Variants in HELQ observed in about 807,000 individuals in gnomAD.
HELQ encodes helicase POLQ-like.
A neutral mutation model predicts 111.6 loss-of-function variants in HELQ; 77 were observed. That is an observed-to-expected ratio of 0.69 (90% CI 0.57 to 0.83). HELQ has a LOEUF of 0.83. Ranked by LOEUF, HELQ falls within the 40% of genes least tolerant of loss-of-function variation. The pLI, the probability that HELQ is intolerant of heterozygous loss-of-function variation, is 0.00. For missense variants in HELQ, 1,200 were observed against 1,288.5 expected (o/e 0.93, Z 1.05); for synonymous variants, 438 against 454.7 (o/e 0.96, Z 0.47).
At chr4:83,438,264 A>T (rs1720565814) in intron 8 of HELQ, among the ~76,000 whole-genome samples, 1 of 152,328 alleles carries the variant, frequency 6.6e-6, no homozygotes, top group Middle Eastern at 3.4e-3. Flanking sequence ...AAATGATAAA[A>T]CCACACATGG....
chr4:83,444,413 C>T (rs945986311), intron 5 of HELQ, among the ~76,000 whole-genome samples: 4 of 152,094 alleles, frequency 2.6e-5, no homozygotes, highest in Non-Finnish European at 5.9e-5. Flanking sequence ...CAGAGTCTTG[C>T]TCTGTTGCCC....
chr4:83,418,318 G>C (rs1380267378), intron 15 of HELQ, 112 bp from the exon 16 acceptor site: 1 of 529,106 alleles, frequency 1.9e-6, no homozygotes, highest in African/African-American at 2.0e-5. Context: ...TCTGGAACTT[G>C]AGTTAAGCCA....
chr4:83,431,794 C>T (rs763673505), intron 10 of HELQ, 26 bp from the exon 11 acceptor site: 2 of 923,282 alleles, frequency 2.2e-6, no homozygotes, highest in South Asian at 5.1e-5. Context: ...CAAAACCATG[C>T]CTTGTGTTAT....
chr4:83,448,909 T>A lies in HELQ; in HGVS notation c.1065A>T (p.Leu355Phe). The A allele has an allele frequency of 1.2e-6, 2 of 1,612,422 alleles. No homozygotes were observed. The highest frequency in any genetic ancestry group is 1.7e-6 in the Non-Finnish European group (2 of 1,178,658). Residue 355 changes from leucine to phenylalanine, a missense_variant, in exon 3 of 18, where the codon TTA becomes TTT. Around this residue, in one of 3 missense-constraint regions of HELQ, gnomAD observed 610 missense variants for 607.1 expected, o/e 1.00. Transcript: ENST00000295488. ...CACCACTTGTTGGCAAGGAATATAT[T>A]AAATTTTTTCTTTCTTGCACAGAAT... Reference protein sequence around the residue: ...TLNSVQERKNLIYSLPTSGGK... With the variant: ...TLNSVQERKNFIYSLPTSGGK...
At chr4:83,446,712 A>G (rs1721068105) in intron 4 of HELQ, 123 bp downstream of exon 4, 6 of 610,466 alleles carry the variant, frequency 9.8e-6, no homozygotes, top group Non-Finnish European at 1.7e-5. Context: ...TATATTGTCT[A>G]TATTTTCAAA....
intron 9 of HELQ, 125 bp downstream of exon 9, chr4:83,436,733 A>C: frequency 1.1e-6 from 1 of 917,928 alleles, no homozygotes. Context: ...CAATCAACTC[A>C]GCATATGCTA....
chr4:83,450,753 C>A (rs1440277327), intron 2 of HELQ, among the ~76,000 whole-genome samples: 2 of 151,576 alleles, frequency 1.3e-5, no homozygotes, highest in African/African-American at 4.8e-5. Context: ...ACTGCTTAAG[C>A]CCAGGAGTTC....
At chr4:83,443,960 G>A (rs1332321104) in intron 5 of HELQ, among the ~76,000 whole-genome samples, 4 of 152,070 alleles carry the variant, frequency 2.6e-5, no homozygotes, top group African/African-American at 9.7e-5. Flanking sequence ...TGGGAGGATC[G>A]CTTGAGCCCA....
intron 17 of HELQ, among the ~76,000 whole-genome samples, chr4:83,415,947 A>ATTT (rs1239903829): frequency 1.1e-5 from 1 of 93,534 alleles, no homozygotes. Context: ...GAACCCAGCC[A>ATTT]TTTTTTTTTT....
chr4:83,453,949 CAA>C lies in HELQ; in HGVS notation c.298-6_298-5del. The C allele has an allele frequency of 1.3e-6, 2 of 1,540,952 alleles. No homozygotes were observed. The highest frequency in any genetic ancestry group is 1.8e-6 in the Non-Finnish European group (2 of 1,125,636). On this transcript the variant is annotated splice_region_variant and splice_polypyrimidine_tract_variant and intron_variant, in intron 1 of 17. Transcript: ENST00000295488. Reference sequence around the variant, plus strand: ...TGTCCACTTCACTGTCATTAGGCTGCAAAGAGAACAAAAACGCTTATGGTCAA... The same window carrying C: ...TGTCCACTTCACTGTCATTAGGCTGCAGAGAACAAAAACGCTTATGGTCAA...
chr4:83,424,897 C>T (rs1020730453), intron 14 of HELQ, among the ~76,000 whole-genome samples: 4 of 152,124 alleles, frequency 2.6e-5, no homozygotes, highest in African/African-American at 9.7e-5. Context: ...TGGGACACTG[C>T]ACCATCAATT....
chr4:83,419,165 T>C lies in HELQ; in HGVS notation c.2950-959A>G, dbSNP rs1431443984. On this transcript the variant is annotated intron_variant, in intron 15 of 17. Transcript: ENST00000295488. Reference sequence around the variant, plus strand: ...ACTTTCTTACAACACCATGAGATTTTTTTTTTTTTTTTTTTCTAGCTCATA... The same window carrying C: ...ACTTTCTTACAACACCATGAGATTTCTTTTTTTTTTTTTTTCTAGCTCATA... Among the ~76,000 whole-genome samples the C allele has an allele frequency of 2.0e-5, 3 of 151,082 alleles. No individual in the cohort carries two copies. In the South Asian group the frequency reaches 6.2e-4, roughly 31 times the overall value.
chr4:83,455,351 G>A (rs1003307043), intron 1 of HELQ, 46 bp downstream of exon 1: 8 of 1,591,594 alleles, frequency 5.0e-6, no homozygotes, highest in Non-Finnish European at 6.9e-6. Flanking sequence ...TTGCATCTGG[G>A]AAGGATGCCA....
intron 13 of HELQ, among the ~76,000 whole-genome samples, 187 bp downstream of exon 13, chr4:83,427,376 C>T (rs72944458): frequency 0.078 from 11,883 of 151,836 alleles, 1,557 homozygotes; most frequent in African/African-American, 0.27. Flanking sequence ...TATAATAGGC[C>T]GGGTACAGTG....
intron 14 of HELQ, 102 bp from the exon 15 acceptor site, chr4:83,421,838 A>C (rs1282264662): frequency 9.8e-6 from 8 of 813,734 alleles, no homozygotes; most frequent in Non-Finnish European, 1.6e-5. Context: ...ACAGAATAGC[A>C]AGGATAGAAT....
chr4:83,445,552 CTATT>C (rs1721005336), intron 5 of HELQ, among the ~76,000 whole-genome samples: 1 of 151,942 alleles, frequency 6.6e-6, no homozygotes, highest in Non-Finnish European at 1.5e-5. Context: ...TTAAACTGAC[CTATT>C]TAAATGTATC....
At chr4:83,455,026 A>G (rs1721673033) in intron 1 of HELQ, among the ~76,000 whole-genome samples, 1 of 152,216 alleles carries the variant, frequency 6.6e-6, no homozygotes, top group African/African-American at 2.4e-5. Context: ...TTGGAGCAAG[A>G]ACTGTACTAT....
intron 16 of HELQ, 57 bp downstream of exon 16, chr4:83,418,036 C>A: frequency 3.3e-6 from 3 of 905,302 alleles, no homozygotes; most frequent in East Asian, 2.6e-5. Context: ...AATAATAAAA[C>A]CTGGCTTCTG....
In HELQ at chr4:83,429,595, G is replaced by C; in HGVS notation, c.2447C>G (p.Thr816Ser). 6.2e-7 allele frequency: 1 copy of C among 1,612,632 alleles called. No individual in the cohort carries two copies. Among genetic ancestry groups the C allele is most frequent in the Non-Finnish European group, 8.5e-7 (1 of 1,179,010 alleles). Residue 816 changes from threonine to serine, a missense_variant, in exon 12 of 18, where the codon ACT becomes AGT. Transcript: ENST00000295488. The part of the protein sequence containing the change: ...LTEKGLLQKD[T>S]IYKSEEEVQY... ...GACCTCTTCTTCAGACTTATAAATA[G>C]TGTCTTTTTGTAGGAGTCCTTTTTC...
Sources: gnomAD v4.1 joint callset for allele counts (sites outside exome capture counted in the v4.1 genomes callset) on GRCh38, gnomAD v4.1.1 for gene constraint, gnomAD v4.1.1 regional missense constraint, MANE v1.5 for transcripts, NCBI Gene and HGNC (gene_info 2026-07-23, HGNC 2026-07-21) for gene names.